Variants in GAK observed in about 807,000 individuals in gnomAD.
GAK encodes the protein cyclin G associated kinase.
In GAK, 79 loss-of-function variants were observed where a neutral mutation model predicts 143.9. The ratio of observed to expected loss-of-function variants is 0.55; its 90% CI spans 0.46 to 0.66. The LOEUF is 0.66. GAK is among the 30% of genes least tolerant of loss of function. The probability of loss-of-function intolerance (pLI) is 0.00; values close to 1 mark genes in which losing one functional copy is unlikely to be tolerated. For synonymous variants in GAK, 881 were observed against 765.5 expected, an observed-to-expected ratio of 1.15 and a Z score of -2.49; for missense variants, 1,693 against 1,779.7, an observed-to-expected ratio of 0.95 and a Z score of 0.88.
At chr4:856,406 GCTGCTCACCACAGCTGCTCACAC>G (rs1486090630) in intron 24 of GAK, among the ~76,000 whole-genome samples, 21 of 54,744 alleles carry the variant, frequency 3.8e-4, no homozygotes, top group Admixed American at 1.5e-3. Context: ...CACCACCACA[GCTGCTCACCACAGCTGCTCACAC>G]CTGCTCACCA....
At chr4:891,576 G>C (rs1196953934) in intron 9 of GAK, among the ~76,000 whole-genome samples, 2 of 152,108 alleles carry the variant, frequency 1.3e-5, no homozygotes, top group Admixed American at 6.5e-5. Context: ...TCCCGGCCTA[G>C]AAGCACTCAG....
At chr4:851,287 G>A in intron 25 of GAK, 1 of 485,286 alleles carries the variant, frequency 2.1e-6, no homozygotes, top group South Asian at 2.2e-5. Context: ...TTGTAGAGAG[G>A]AGGTATCACT....
intron 16 of GAK, 50 bp downstream of exon 16, chr4:877,565 C>T (rs778553781): frequency 2.0e-5 from 30 of 1,511,484 alleles, no homozygotes; most frequent in Middle Eastern, 1.9e-4. Flanking sequence ...AACGGTTTTC[C>T]GGAGGGGTGA....
At chr4:904,468 G>T (rs917084888) in intron 5 of GAK, among the ~76,000 whole-genome samples, 169 bp downstream of exon 5, 5 of 148,112 alleles carry the variant, frequency 3.4e-5, no homozygotes, top group Non-Finnish European at 5.9e-5. Flanking sequence ...CTCAGCAGCC[G>T]CTACCTTGAG....
At chr4:910,492 T>C (rs546170222) in intron 4 of GAK, among the ~76,000 whole-genome samples, 50 of 151,818 alleles carry the variant, frequency 3.3e-4, no homozygotes, top group Admixed American at 2.4e-3. Flanking sequence ...AGAACCCCCT[T>C]GCTCGCCCTC....
intron 4 of GAK, among the ~76,000 whole-genome samples, chr4:910,214 T>G (rs1721803103): frequency 6.6e-6 from 1 of 151,942 alleles, no homozygotes; most frequent in Non-Finnish European, 1.5e-5. Flanking sequence ...TCCAAGCAGC[T>G]TACACCCCAC....
At chr4:858,106 G>C (rs1230616582) in intron 24 of GAK, among the ~76,000 whole-genome samples, 1 of 152,222 alleles carries the variant, frequency 6.6e-6, no homozygotes, top group Non-Finnish European at 1.5e-5. Context: ...TCTGAGGACA[G>C]GGCCTGTGTG....
intron 23 of GAK, among the ~76,000 whole-genome samples, chr4:862,622 C>T (rs1281323988): frequency 6.6e-6 from 1 of 151,212 alleles, no homozygotes; most frequent in African/African-American, 2.4e-5. Context: ...CACACCACTG[C>T]ACTCCAGCCT....
Position 882,049 on chromosome 4 carries a change from G to A in GAK, c.1528-9C>T, listed in dbSNP as rs1715234357. The stretch of plus-strand genomic sequence containing the variant: ...GACGCGGCTCTCCCGTCCTAGGACA[G>A]ACAGACACGTCTCGCGTGCGCCTCG... On this transcript the variant is annotated splice_polypyrimidine_tract_variant and intron_variant, in intron 14 of 27. Transcript: ENST00000314167. The A allele has an allele frequency of 1.5e-5, 24 of 1,597,408 alleles. No homozygotes were observed. Among genetic ancestry groups the A allele is most frequent in the Non-Finnish European group, 1.9e-5 (22 of 1,171,858 alleles).
intron 10 of GAK, among the ~76,000 whole-genome samples, chr4:889,364 T>A (rs1161126418): frequency 6.6e-6 from 1 of 152,070 alleles, no homozygotes; most frequent in Non-Finnish European, 1.5e-5. Context: ...ACCCTGGACG[T>A]GAAGGCAGAG....
intron 9 of GAK, among the ~76,000 whole-genome samples, chr4:891,748 G>T (rs1049933017): frequency 2.0e-5 from 3 of 152,138 alleles, no homozygotes; most frequent in African/African-American, 7.2e-5. Context: ...ACCTCCGGGG[G>T]AGTGGGCAGG....
chr4:925,601 C>G (rs1295875818), intron 1 of GAK, among the ~76,000 whole-genome samples: 2 of 152,182 alleles, frequency 1.3e-5, no homozygotes, highest in African/African-American at 4.8e-5. Context: ...TGTGTGAAAT[C>G]CTAATACCCA....
intron 3 of GAK, chr4:912,222 A>T (rs769689388): frequency 1.3e-5 from 6 of 448,560 alleles, no homozygotes; most frequent in Admixed American, 7.1e-5. Context: ...AGGGCCGAAG[A>T]CTCCAGGCTC....
At position 890,580 on chromosome 4, in the gene GAK, G is replaced by A. The variant is rs999564164; in HGVS notation, c.1033C>T (p.Arg345Ter). ...NGGYGSATLS[R>*]GPPPPVGPAG... ...GGGCCCACGGGAGGGGGTGGCCCTC[G>A]GGACAGTGTGGCGCTCCCGTAGCCT... Residue 345 changes from arginine to a stop codon, truncating the protein, a stop_gained, in exon 10 of 28, where the codon CGA (arginine) becomes TGA (stop). Coordinates refer to ENST00000314167, the MANE Select transcript of GAK (RefSeq NM_005255.4). LOFTEE classifies it high-confidence loss of function. 1.9e-6 allele frequency: 3 copies of A among 1,611,578 alleles called. No individual in the cohort carries two copies. Among genetic ancestry groups the A allele is most frequent in the South Asian group, 1.1e-5 (1 of 90,782 alleles).
chr4:863,067 G>A (rs780997391), intron 23 of GAK, among the ~76,000 whole-genome samples: 3 of 152,218 alleles, frequency 2.0e-5, no homozygotes, highest in Non-Finnish European at 4.4e-5. Context: ...CACCATTCTA[G>A]ATGCCATTAA....
intron 7 of GAK, chr4:894,287 G>A (rs1407891890): frequency 5.4e-5 from 14 of 259,076 alleles, no homozygotes; most frequent in African/African-American, 2.8e-4. Context: ...CGTGGGGAGC[G>A]CAGGGGTGAC....
chr4:849,585 C>A lies in GAK; in HGVS notation c.*88G>T. The stretch of plus-strand genomic sequence containing the variant: ...GCCCCACCCTGGCCACACCTGCTGT[C>A]GCCCACGGGGTCCTCACGGTGGGGA... On this transcript the variant is annotated 3_prime_UTR_variant, in exon 28 of 28. Coordinates refer to ENST00000314167, the MANE Select transcript of GAK (RefSeq NM_005255.4). 1 of 1,031,688 alleles carries A rather than the reference C, an allele frequency of 9.7e-7. No individual in the cohort carries two copies. The allele number at this position is 1,031,688 out of a possible 1,614,324, so 63.9% of individuals were successfully genotyped here.
rs200412978 is a variant in GAK at position 903,605 on chromosome 4, A to G, written c.525+1032T>C. 5.1e-3 allele frequency among the ~76,000 whole-genome samples: 657 copies of G among 129,894 alleles called. 6 individuals carry two copies. The highest frequency in any genetic ancestry group is 6.5e-3 in the South Asian group (29 of 4,436). The allele number at this position is 129,894 out of a possible 152,430, so 85.2% of individuals were successfully genotyped here. A position where few individuals can be genotyped will look rare whatever the true frequency, so the allele number is the denominator to read the frequency against. On this transcript the variant is annotated intron_variant, in intron 5 of 27. Coordinates refer to ENST00000314167, the MANE Select transcript of GAK (RefSeq NM_005255.4). Reference sequence around the variant, plus strand: ...TGGGGGGCTGAGGAAGGAGCGTGGGATGAGCAGGAATGCGGGGCCTGAACT... The same window carrying G: ...TGGGGGGCTGAGGAAGGAGCGTGGGGTGAGCAGGAATGCGGGGCCTGAACT...
chr4:871,652 C>G (rs1689672189), intron 18 of GAK, among the ~76,000 whole-genome samples: 1 of 149,896 alleles, frequency 6.7e-6, no homozygotes, highest in South Asian at 2.1e-4. Flanking sequence ...GGGTGGGGAG[C>G]AGGGCAGGGG....
Sources: allele counts gnomAD v4.1 joint callset (sites outside exome capture counted in the v4.1 genomes callset), GRCh38; gene constraint gnomAD v4.1.1; transcripts MANE v1.5; gene names NCBI Gene and HGNC (gene_info 2026-07-23, HGNC 2026-07-21).